The following PC variants were observed in gnomAD, a reference collection of about 807,000 sequenced individuals.
PC encodes pyruvate carboxylase.
Under a neutral mutation model 107.8 loss-of-function variants are expected in PC, and 46 were observed. The observed-to-expected ratio is 0.43, with a 90% CI of 0.34 to 0.55. PC has a LOEUF of 0.55. Ranked by LOEUF, PC falls within the 20% of genes least tolerant of loss-of-function variation. PC has a pLI of 0.04. For synonymous variants in PC, 662 were observed against 684.7 expected, an observed-to-expected ratio of 0.97 and a Z score of 0.52; for missense variants, 1,241 against 1,643.1, an observed-to-expected ratio of 0.76 and a Z score of 4.23.
chr11:66,927,230 A>T (rs1031910859), intron 3 of PC, among the ~76,000 whole-genome samples: 1 of 138,634 alleles, frequency 7.2e-6, no homozygotes, highest in African/African-American at 2.7e-5. Flanking sequence ...TGTAATTTTT[A>T]ACTATCCAGG....
In PC at chr11:66,852,587, G is replaced by A. The variant is rs749272739; in HGVS notation, c.1677C>T (p.Asn559=). ...GPEGFARAVR[N]HPGLLLMDTT... ...TGTCCATCAGCAGCAGCCCCGGGTG[G>A]TTCCGCACAGCTCGAGCAAAGCCCT... The change falls in exon 15 of 23, where the codon AAC becomes AAT. Residue 559 remains asparagine, a synonymous_variant. Transcript: ENST00000393960. This position sits in a 1 kb window ranked among gnomAD's most constrained non-coding sequence, Gnocchi z 4.7. 1 of 1,614,022 alleles carries A rather than the reference G, an allele frequency of 6.2e-7. No homozygotes were observed. Among genetic ancestry groups the A allele is most frequent in the Non-Finnish European group, 8.5e-7 (1 of 1,180,036 alleles).
chr11:66,859,604 C>T (rs760928802), intron 12 of PC: 3 of 1,611,418 alleles, frequency 1.9e-6, no homozygotes, highest in East Asian at 2.2e-5. Context: ...TAGACCCCAG[C>T]CCCGGGCTCT....
rs532248381 is a variant in PC, at chr11:66,949,623, G to A, written c.-1+2807C>T. On this transcript the variant is annotated intron_variant, in intron 3 of 22. Transcript: ENST00000393960. ...AGAAGAATCGCTTGAACCAGGAGGCGGAGGTTGCAGTGAGCCGAGATCGCG... is the reference window on the plus strand; with the variant it reads ...AGAAGAATCGCTTGAACCAGGAGGCAGAGGTTGCAGTGAGCCGAGATCGCG... Among the ~76,000 whole-genome samples the A allele has an allele frequency of 4.6e-5, 7 of 152,050 alleles. No homozygotes were observed. In the East Asian group the frequency reaches 7.8e-4, roughly 17 times the overall value.
intron 3 of PC, among the ~76,000 whole-genome samples, chr11:66,879,951 G>A (rs1947125842): frequency 6.6e-6 from 1 of 152,176 alleles, no homozygotes; most frequent in African/African-American, 2.4e-5. Flanking sequence ...CTGCTCCTTA[G>A]AACCTAGTTA....
intron 3 of PC, chr11:66,919,851 A>G (rs1005416503): frequency 3.9e-5 from 6 of 152,228 alleles, no homozygotes; most frequent in Non-Finnish European, 7.3e-5. Context: ...AACCTAAGCC[A>G]TAAGTCCTGG....
At chr11:66,890,315 G>A (rs1947521284) in intron 3 of PC, among the ~76,000 whole-genome samples, 1 of 151,914 alleles carries the variant, frequency 6.6e-6, no homozygotes, top group Admixed American at 6.6e-5. Context: ...TGTGAGAAAT[G>A]CATTTCTGCT....
intron 3 of PC, among the ~76,000 whole-genome samples, chr11:66,903,764 A>C: frequency 7.4e-6 from 1 of 134,730 alleles, no homozygotes; most frequent in African/African-American, 2.7e-5. Flanking sequence ...AAAAAAAAAA[A>C]AAAAAAAAAA....
At chr11:66,919,121 A>C (rs1948532641) in intron 3 of PC, among the ~76,000 whole-genome samples, 1 of 152,154 alleles carries the variant, frequency 6.6e-6, no homozygotes, top group South Asian at 2.1e-4. Context: ...TCTATTTTCA[A>C]ATTCTCTCTT....
At chr11:66,854,959 C>T (rs1049995709) in intron 12 of PC, among the ~76,000 whole-genome samples, 12 of 152,196 alleles carry the variant, frequency 7.9e-5, no homozygotes, top group African/African-American at 2.7e-4. Flanking sequence ...GCCCCGAGCG[C>T]GCAGAGTGAG....
chr11:66,854,089 C>G (rs1414881003), intron 12 of PC, among the ~76,000 whole-genome samples: 1 of 152,256 alleles, frequency 6.6e-6, no homozygotes, highest in Non-Finnish European at 1.5e-5. Context: ...GTTACCAAAA[C>G]CTGCATCCCA....
chr11:66,864,475 GGTTT>G (rs1946409482), intron 11 of PC, among the ~76,000 whole-genome samples: 2 of 152,268 alleles, frequency 1.3e-5, no homozygotes, highest in East Asian at 1.9e-4. Flanking sequence ...GCTGACCGGG[GGTTT>G]GTTTTTGTTT....
chr11:66,862,152 C>G (rs1946291698), intron 12 of PC, among the ~76,000 whole-genome samples: 2 of 152,154 alleles, frequency 1.3e-5, no homozygotes, highest in African/African-American at 4.8e-5. Flanking sequence ...CCAGGAGCCG[C>G]AGCAAGGTGC....
chr11:66,924,369 C>CAAAA (rs71045970), intron 3 of PC, among the ~76,000 whole-genome samples: 11 of 65,560 alleles, frequency 1.7e-4, no homozygotes, highest in Admixed American at 7.4e-4. Context: ...CCATCTCTAC[C>CAAAA]AAAAAAAAAA....
Position 66,952,854 on chromosome 11 carries a change from C to A in PC, c.-39-386G>T, listed in dbSNP as rs557416434. ...CACCGCACCCGGCCAAGAACTGTTT[C>A]TTTGCTTCCACTGAGGGCACCAGGA... On this transcript the variant is annotated intron_variant, in intron 2 of 22. Coordinates refer to ENST00000393960, the MANE Select transcript of PC (RefSeq NM_001040716.2). 1.1e-4 allele frequency among the ~76,000 whole-genome samples: 17 copies of A among 152,308 alleles called. No homozygotes were observed. In the East Asian group the frequency reaches 2.5e-3, roughly 23 times the overall value.
chr11:66,884,008 G>A (rs1947273694), intron 3 of PC, among the ~76,000 whole-genome samples: 1 of 152,180 alleles, frequency 6.6e-6, no homozygotes, highest in South Asian at 2.1e-4. Flanking sequence ...ACTTTGGGAG[G>A]CTGAAGCGGG....
chr11:66,917,907 T>C (rs1005030175), intron 3 of PC, among the ~76,000 whole-genome samples: 1 of 152,154 alleles, frequency 6.6e-6, no homozygotes, highest in Non-Finnish European at 1.5e-5. Flanking sequence ...GAGCCTGGGA[T>C]GGTCCAGGAG....
chr11:66,849,974 A>G lies in PC; in HGVS notation c.2861T>C (p.Val954Ala), dbSNP rs1422502612. ...VVEFLQGYIGVPHGGFPEPFR... is the reference protein window; with the variant it reads ...VVEFLQGYIGAPHGGFPEPFR... Reference sequence around the variant, plus strand: ...GGGTTCGGGGAACCCCCCATGGGGGACACCGATGTAGCCCTGCAGGAACTC... The same window carrying G: ...GGGTTCGGGGAACCCCCCATGGGGGGCACCGATGTAGCCCTGCAGGAACTC... Residue 954 changes from valine (V) to alanine (A), a missense_variant, in exon 20 of 23, where the codon GTC becomes GCC. Around this residue, in one of 2 missense-constraint regions of PC, gnomAD observed 1,143 missense variants for 1,551.9 expected, o/e 0.74. Transcript: ENST00000393960. 6.2e-7 allele frequency: 1 copy of G among 1,613,436 alleles called. No individual in the cohort carries two copies. Among genetic ancestry groups the G allele is most frequent in the African/African-American group, 1.3e-5 (1 of 74,928 alleles).
At chr11:66,860,151 G>T (rs890285871) in intron 12 of PC, 11 of 1,549,028 alleles carry the variant, frequency 7.1e-6, no homozygotes, top group South Asian at 1.2e-5. Context: ...AGGGTGCCGG[G>T]GGGTAGGAGG....
intron 12 of PC, among the ~76,000 whole-genome samples, chr11:66,855,202 T>A (rs576443537): frequency 1.3e-5 from 2 of 152,280 alleles, no homozygotes; most frequent in African/African-American, 4.8e-5. Context: ...TTGCCCATCC[T>A]CTCCTCCATA....
Sources: allele counts gnomAD v4.1 joint callset (sites outside exome capture counted in the v4.1 genomes callset), GRCh38; gene constraint gnomAD v4.1.1; regional missense constraint gnomAD v4.1.1; non-coding constraint Gnocchi (gnomAD v3.1); transcripts MANE v1.5; gene names NCBI Gene and HGNC (gene_info 2026-07-23, HGNC 2026-07-21).